The following ATP9B variants were observed in gnomAD, a reference collection of about 807,000 sequenced individuals.
ATP9B encodes the protein probable phospholipid-transporting ATPase IIB.
A neutral mutation model predicts 146.1 loss-of-function variants in ATP9B; 110 were observed. The ratio of observed to expected loss-of-function variants is 0.75; its 90% CI spans 0.65 to 0.88. ATP9B has a LOEUF of 0.88. Ranked by LOEUF, ATP9B falls within the 40% of genes least tolerant of loss-of-function variation. ATP9B has a pLI of 0.00. For synonymous variants in ATP9B, 604 were observed against 569.7 expected (o/e 1.06, Z -0.86); for missense variants, 1,499 against 1,496.4 (o/e 1.00, Z -0.03).
intron 1 of ATP9B, among the ~76,000 whole-genome samples, chr18:79,089,296 A>G (rs1476731543): frequency 2.6e-5 from 4 of 152,242 alleles, no homozygotes; most frequent in Non-Finnish European, 5.9e-5. Context: ...GAAAACAAAA[A>G]TTATTCCAGG....
At chr18:79,204,625 G>T (rs1446571042) in intron 9 of ATP9B, among the ~76,000 whole-genome samples, 1 of 152,182 alleles carries the variant, frequency 6.6e-6, no homozygotes, top group East Asian at 1.9e-4. Context: ...TGATAAAGTG[G>T]AATTAATTGA....
At chr18:79,212,793 G>A (rs1351320047) in intron 10 of ATP9B, among the ~76,000 whole-genome samples, 1 of 152,022 alleles carries the variant, frequency 6.6e-6, no homozygotes, top group East Asian at 1.9e-4. Context: ...TTTGTGCATC[G>A]GGGAGCTTAT....
At chr18:79,205,385 A>G (rs1010893404) in intron 9 of ATP9B, among the ~76,000 whole-genome samples, 5 of 66,438 alleles carry the variant, frequency 7.5e-5, no homozygotes, top group Non-Finnish European at 1.5e-4. Flanking sequence ...TTGATAAGTA[A>G]CTAGAAGGAA....
intron 15 of ATP9B, among the ~76,000 whole-genome samples, chr18:79,321,665 ATAGAGT>A (rs2035497549): frequency 6.6e-6 from 1 of 152,222 alleles, no homozygotes; most frequent in African/African-American, 2.4e-5. Flanking sequence ...TTGGCATTAT[ATAGAGT>A]TAATCTTCAA....
chr18:79,157,743 T>C (rs1298902117), intron 7 of ATP9B, among the ~76,000 whole-genome samples: 1 of 152,144 alleles, frequency 6.6e-6, no homozygotes, highest in African/African-American at 2.4e-5. Context: ...TTTGTCCACT[T>C]TATCTAGGTT....
chr18:79,200,088 G>A (rs537043541), intron 9 of ATP9B, among the ~76,000 whole-genome samples: 1 of 152,286 alleles, frequency 6.6e-6, no homozygotes, highest in Non-Finnish European at 1.5e-5. Flanking sequence ...GTACATAATT[G>A]TATGCACTAG....
At chr18:79,341,623 G>A (rs1207742507) in intron 19 of ATP9B, among the ~76,000 whole-genome samples, 2 of 141,188 alleles carry the variant, frequency 1.4e-5, no homozygotes, top group African/African-American at 5.5e-5. Flanking sequence ...GGTTGGATGT[G>A]TGTAGCGTGA....
Position 79,183,466 on chromosome 18 carries a change from T to A in ATP9B, c.873+6559T>A, listed in dbSNP as rs1233833077. On this transcript the variant is annotated intron_variant, in intron 8 of 29. Coordinates refer to ENST00000426216, the MANE Select transcript of ATP9B (RefSeq NM_198531.5). ...TTTAATGTGTGAGATTGAAGATAAT[T>A]CTTACCTAAGAAAATGTATTTCTCA... Among the ~76,000 whole-genome samples the A allele has an allele frequency of 1.2e-4, 4 of 33,246 alleles. No individual in the cohort carries two copies. In the East Asian group the frequency reaches 9.3e-3, roughly 77 times the overall value. The allele number at this position is 33,246 out of a possible 152,430, so 21.8% of individuals were successfully genotyped here.
intron 7 of ATP9B, among the ~76,000 whole-genome samples, chr18:79,166,799 C>T (rs2094972397): frequency 6.6e-6 from 1 of 152,218 alleles, no homozygotes; most frequent in Admixed American, 6.5e-5. Flanking sequence ...GCCTGCTGGG[C>T]TCATTCTGCC....
At chr18:79,215,653 A>G (rs945145946) in intron 11 of ATP9B, among the ~76,000 whole-genome samples, 3 of 152,210 alleles carry the variant, frequency 2.0e-5, no homozygotes, top group African/African-American at 7.2e-5. Flanking sequence ...GTGTTTTCTG[A>G]TAAGTGCTAT....
chr18:79,155,475 G>A (rs1351550768), intron 7 of ATP9B, among the ~76,000 whole-genome samples: 7 of 152,124 alleles, frequency 4.6e-5, no homozygotes, highest in Non-Finnish European at 8.8e-5. Flanking sequence ...GTGGGCACAC[G>A]TTTTCATCAT....
intron 13 of ATP9B, among the ~76,000 whole-genome samples, chr18:79,288,654 A>G (rs908491251): frequency 6.6e-6 from 1 of 152,148 alleles, no homozygotes; most frequent in Admixed American, 6.5e-5. Flanking sequence ...TGATCCTGTT[A>G]TTATGATGTT....
chr18:79,105,779 T>C (rs1354690949), intron 2 of ATP9B, among the ~76,000 whole-genome samples: 1 of 152,212 alleles, frequency 6.6e-6, no homozygotes, highest in Non-Finnish European at 1.5e-5. Context: ...TATCAAATGC[T>C]GGGATTATTC....
chr18:79,231,803 T>TATATATATATACACACACAC (rs569726473), intron 11 of ATP9B, among the ~76,000 whole-genome samples: 22 of 114,762 alleles, frequency 1.9e-4, no homozygotes, highest in African/African-American at 7.1e-4. Context: ...TATATATATA[T>TATATATATATACACACACAC]ACACACACAC....
At chr18:79,094,980 T>G (rs2074669892) in intron 1 of ATP9B, among the ~76,000 whole-genome samples, 1 of 152,202 alleles carries the variant, frequency 6.6e-6, no homozygotes, top group Non-Finnish European at 1.5e-5. Context: ...AAACGTGCTG[T>G]TTCTCTTTGA....
chr18:79,255,291 T>A (rs2096067156), intron 12 of ATP9B: 1 of 152,242 alleles, frequency 6.6e-6, no homozygotes, highest in Admixed American at 6.5e-5. Flanking sequence ...CTTTTTTATC[T>A]GACTGTCATG....
chr18:79,336,343 C>T (rs2096826988), intron 17 of ATP9B, among the ~76,000 whole-genome samples: 2 of 152,266 alleles, frequency 1.3e-5, no homozygotes, highest in African/African-American at 2.4e-5. Flanking sequence ...CTCTGCTAGG[C>T]ACCAGGAGAG....
At chr18:79,098,333 A>G (rs2074985247) in intron 2 of ATP9B, among the ~76,000 whole-genome samples, 3 of 149,194 alleles carry the variant, frequency 2.0e-5, no homozygotes, top group Middle Eastern at 3.4e-3. Context: ...CAAGGACTTC[A>G]TGTCCAAAAC....
intron 1 of ATP9B, among the ~76,000 whole-genome samples, chr18:79,075,081 GTT>G (rs35645442): frequency 6.8e-6 from 1 of 146,012 alleles, no homozygotes. Context: ...TCTTTTTAGA[GTT>G]TTTTTTTTTT....
Sources: gnomAD v4.1 joint callset for allele counts (sites outside exome capture counted in the v4.1 genomes callset) on GRCh38, gnomAD v4.1.1 for gene constraint, MANE v1.5 for transcripts, NCBI Gene and HGNC (gene_info 2026-07-23, HGNC 2026-07-21) for gene names.